The following MBNL1 variants were observed in gnomAD, a reference collection of about 807,000 sequenced individuals.
MBNL1 encodes muscleblind-like protein 1.
A neutral mutation model predicts 42.2 loss-of-function variants in MBNL1; 8 were observed. The ratio of observed to expected loss-of-function variants is 0.19; its 90% confidence interval spans 0.11 to 0.34. The LOEUF is 0.34. Among genes scored for constraint, MBNL1 ranks in the 10% least tolerant of loss-of-function variants. The pLI is 1.00. For missense variants in MBNL1, 309 were observed against 495.3 expected, an observed-to-expected ratio of 0.62 and a Z score of 3.57; for synonymous variants, 169 against 173.9, an observed-to-expected ratio of 0.97 and a Z score of 0.22.
chr3:152,310,508 G>GT (rs1475877630), intron 2 of MBNL1, among the ~76,000 whole-genome samples: 1 of 152,106 alleles, frequency 6.6e-6, no homozygotes, highest in Non-Finnish European at 1.5e-5. Context: ...CAAAAATATA[G>GT]TATATTGATT....
At chr3:152,425,854 T>A (rs1045623166) in intron 3 of MBNL1, among the ~76,000 whole-genome samples, 3 of 152,182 alleles carry the variant, frequency 2.0e-5, no homozygotes, top group Non-Finnish European at 4.4e-5. Flanking sequence ...ACTGGGTATA[T>A]ACTCAGTTTT....
At chr3:152,436,412 A>G (rs115901388) in intron 4 of MBNL1, among the ~76,000 whole-genome samples, 1,755 of 152,306 alleles carry the variant, frequency 0.012, 23 homozygotes, top group African/African-American at 0.04. Context: ...TCATTACACA[A>G]CTGTACTTGC....
intron 2 of MBNL1, among the ~76,000 whole-genome samples, chr3:152,310,709 A>C (rs2065862997): frequency 6.6e-6 from 1 of 152,126 alleles, no homozygotes; most frequent in Non-Finnish European, 1.5e-5. Flanking sequence ...TTTATATTAA[A>C]ATTTTAACTA....
At chr3:152,318,089 T>A (rs773237608) in intron 2 of MBNL1, among the ~76,000 whole-genome samples, 1 of 152,222 alleles carries the variant, frequency 6.6e-6, no homozygotes, top group South Asian at 2.1e-4. Context: ...AACCTTAGCC[T>A]GTAGTATATT....
At chr3:152,271,325 A>G (rs949673074) in intron 1 of MBNL1, among the ~76,000 whole-genome samples, 26 of 152,330 alleles carry the variant, frequency 1.7e-4, no homozygotes, top group African/African-American at 6.3e-4. Flanking sequence ...CCTGGGGGAA[A>G]AAAAAAGAGT....
chr3:152,370,963 T>A (rs1337592140), intron 2 of MBNL1, among the ~76,000 whole-genome samples: 1 of 152,184 alleles, frequency 6.6e-6, no homozygotes, highest in Non-Finnish European at 1.5e-5. Flanking sequence ...TTTGCCAGTC[T>A]GTGTCTTTTA....
chr3:152,458,278 C>A, intron 8 of MBNL1: 1 of 1,214,412 alleles, frequency 8.2e-7, no homozygotes, highest in South Asian at 1.3e-5. Flanking sequence ...CAGCTGAGAA[C>A]TGGAAATAAA....
At chr3:152,397,818 C>T (rs2098041932) in intron 2 of MBNL1, among the ~76,000 whole-genome samples, 1 of 152,052 alleles carries the variant, frequency 6.6e-6, no homozygotes, top group Non-Finnish European at 1.5e-5. Context: ...CACCATAAAC[C>T]AGTAAACTAG....
intron 2 of MBNL1, chr3:152,301,798 A>G (rs917827390): frequency 6.6e-6 from 1 of 152,178 alleles, no homozygotes; most frequent in Non-Finnish European, 1.5e-5. Context: ...AGGTGTAATT[A>G]GAGACTGAGA....
At chr3:152,354,886 G>A (rs1403903851) in intron 2 of MBNL1, among the ~76,000 whole-genome samples, 1 of 152,010 alleles carries the variant, frequency 6.6e-6, no homozygotes, top group Non-Finnish European at 1.5e-5. Flanking sequence ...TTTTCACTCT[G>A]GTTTCTCTTC....
intron 2 of MBNL1, among the ~76,000 whole-genome samples, chr3:152,257,262 T>C (rs907916148): frequency 6.6e-6 from 1 of 152,146 alleles, no homozygotes; most frequent in African/African-American, 2.4e-5. Flanking sequence ...AGCAAACCTA[T>C]TAAAAGTATG....
intron 1 of MBNL1, among the ~76,000 whole-genome samples, chr3:152,275,476 C>T (rs2044441472): frequency 6.6e-6 from 1 of 151,804 alleles, no homozygotes; most frequent in South Asian, 2.1e-4. Context: ...TTTGGGAGGC[C>T]GAGGCAGGCA....
chr3:152,252,252 C>T (rs1184717718), intron 2 of MBNL1, among the ~76,000 whole-genome samples: 1 of 148,114 alleles, frequency 6.8e-6, no homozygotes, highest in Non-Finnish European at 1.5e-5. Context: ...CCTTCCCTTC[C>T]TCCTTCCCTT....
At chr3:152,426,164 C>CG (rs58517379) in intron 3 of MBNL1, among the ~76,000 whole-genome samples, 2,280 of 98,614 alleles carry the variant, frequency 0.023, 50 homozygotes, top group African/African-American at 0.08. Context: ...CATGTGGGCA[C>CG]GGGGGGGGAA....
chr3:152,312,124 G>A (rs1290439374), intron 2 of MBNL1, among the ~76,000 whole-genome samples: 8 of 149,816 alleles, frequency 5.3e-5, no homozygotes, highest in Non-Finnish European at 7.4e-5. Context: ...CCCGGGAGGC[G>A]GAGCTTGCAG....
intron 2 of MBNL1, among the ~76,000 whole-genome samples, chr3:152,401,403 A>G (rs760436293): frequency 1.2e-4 from 19 of 152,212 alleles, no homozygotes; most frequent in Non-Finnish European, 2.6e-4. Context: ...TTAACCTATT[A>G]AAATGATTTA....
At chr3:152,332,283 T>C (rs1213433973) in intron 2 of MBNL1, among the ~76,000 whole-genome samples, 1 of 152,208 alleles carries the variant, frequency 6.6e-6, no homozygotes, top group East Asian at 1.9e-4. Context: ...TCATAAGATG[T>C]CAAAATGTGC....
intron 2 of MBNL1, among the ~76,000 whole-genome samples, chr3:152,401,472 G>A (rs1319667490): frequency 6.6e-6 from 1 of 152,120 alleles, no homozygotes; most frequent in Non-Finnish European, 1.5e-5. Context: ...TAAGTGAAAT[G>A]AACATGAGTT....
At chr3:152,334,063 C>A (rs2087438572) in intron 2 of MBNL1, among the ~76,000 whole-genome samples, 3 of 152,162 alleles carry the variant, frequency 2.0e-5, no homozygotes, top group Admixed American at 2.0e-4. Context: ...CAGTGCTTGG[C>A]ACTTAATGAG....
Sources: allele counts gnomAD v4.1 joint callset (sites outside exome capture counted in the v4.1 genomes callset), GRCh38; gene constraint gnomAD v4.1.1; transcripts MANE v1.5; gene names NCBI Gene and HGNC (gene_info 2026-07-23, HGNC 2026-07-21).